CTNND2: variants seen among roughly 807,000 people sequenced by gnomAD.
CTNND2 encodes catenin delta-2.
A neutral mutation model predicts 144.4 loss-of-function variants in CTNND2; 22 were observed. The ratio of observed to expected loss-of-function variants is 0.15; its 90% CI spans 0.11 to 0.22. The LOEUF (loss-of-function observed/expected upper bound fraction) is 0.22, where lower values mean the gene tolerates loss of function less well. Ranked by LOEUF, CTNND2 falls within the 10% of genes least tolerant of loss-of-function variation. The probability of loss-of-function intolerance (pLI) is 1.00; values close to 1 mark genes in which losing one functional copy is unlikely to be tolerated. For missense variants in CTNND2, 1,353 were observed against 1,618.8 expected (o/e 0.84, Z 2.82); for synonymous variants, 751 against 695.6 (o/e 1.08, Z -1.25).
In CTNND2 at chr5:11,350,908, T is replaced by G. The variant is rs115377617; in HGVS notation, c.1373-4281A>C. The stretch of plus-strand genomic sequence containing the variant: ...TTAAAGATCTAATATGTAGAGAATA[T>G]TAAATAAATGAGCTATTATTATTAC... On this transcript the variant is annotated intron_variant, in intron 8 of 21. Transcript: ENST00000304623. Among the ~76,000 whole-genome samples the G allele has an allele frequency of 9.2e-3, 1,404 of 152,300 alleles. 10 individuals carry two copies. Among genetic ancestry groups the G allele is most frequent in the Non-Finnish European group, 0.016 (1,091 of 68,018 alleles).
intron 12 of CTNND2, among the ~76,000 whole-genome samples, chr5:11,124,829 T>A (rs1356624863): frequency 6.6e-6 from 1 of 152,194 alleles, no homozygotes; most frequent in Non-Finnish European, 1.5e-5. Context: ...TTTGTTTTTA[T>A]TTTCTGTGCT....
chr5:11,750,431 G>A (rs1399535123), intron 1 of CTNND2, among the ~76,000 whole-genome samples: 2 of 151,872 alleles, frequency 1.3e-5, no homozygotes, highest in East Asian at 3.9e-4. Flanking sequence ...AGACTGCTTG[G>A]ATTAAGCCAG....
chr5:11,472,660 A>G (rs940581930), intron 3 of CTNND2, among the ~76,000 whole-genome samples: 1 of 152,186 alleles, frequency 6.6e-6, no homozygotes, highest in Non-Finnish European at 1.5e-5. Flanking sequence ...AGATCTTTGC[A>G]CTGTTAAGTT....
chr5:11,336,501 C>G (rs190007855), intron 9 of CTNND2, among the ~76,000 whole-genome samples: 23 of 151,716 alleles, frequency 1.5e-4, no homozygotes, highest in African/African-American at 5.6e-4. Flanking sequence ...TTTCAACACC[C>G]TATCAACACT....
chr5:11,650,932 C>T (rs1782614183), intron 2 of CTNND2, among the ~76,000 whole-genome samples: 1 of 152,196 alleles, frequency 6.6e-6, no homozygotes, highest in Admixed American at 6.5e-5. Flanking sequence ...AGAAAACTTG[C>T]AGCCTAACCA....
chr5:11,718,446 T>C (rs556749255), intron 2 of CTNND2, among the ~76,000 whole-genome samples: 2 of 152,284 alleles, frequency 1.3e-5, no homozygotes, highest in East Asian at 1.9e-4. Flanking sequence ...AACTATTCTA[T>C]GTGCTGACTG....
At chr5:11,708,392 G>A (rs1032616507) in intron 2 of CTNND2, among the ~76,000 whole-genome samples, 6 of 152,098 alleles carry the variant, frequency 3.9e-5, no homozygotes, top group Non-Finnish European at 7.4e-5. Flanking sequence ...GTGAAAAGCT[G>A]TAAGTAAGAA....
chr5:11,404,552 TCAAGTG>T (rs1026609719), intron 5 of CTNND2, among the ~76,000 whole-genome samples: 11 of 147,132 alleles, frequency 7.5e-5, no homozygotes, highest in Non-Finnish European at 1.5e-4. Context: ...CAGTTACTGT[TCAAGTG>T]CAAGTGCCTT....
rs1215343540 is a variant in CTNND2 at position 11,903,981 on chromosome 5, G to T, written c.-128C>A. 2.3e-5 allele frequency: 26 copies of T among 1,119,140 alleles called. No individual in the cohort carries two copies. The highest frequency in any genetic ancestry group is 2.5e-5 in the Non-Finnish European group (22 of 878,752). The allele number at this position is 1,119,140 out of a possible 1,614,324, so 69.3% of individuals were successfully genotyped here. Reference sequence around the variant, plus strand: ...GCTTTTGTTGTCTGAGCGCGGCCGCGGGACAAGGGATGCTGGCGGGCGGCA... The same window carrying T: ...GCTTTTGTTGTCTGAGCGCGGCCGCTGGACAAGGGATGCTGGCGGGCGGCA... On this transcript the variant is annotated 5_prime_UTR_variant, in exon 1 of 22. Coordinates refer to ENST00000304623, the MANE Select transcript of CTNND2 (RefSeq NM_001332.4). The surrounding 1 kb of genome is among the most constrained non-coding windows in gnomAD (Gnocchi z 5.4).
intron 9 of CTNND2, among the ~76,000 whole-genome samples, chr5:11,322,534 A>G (rs1752137503): frequency 6.6e-6 from 1 of 152,222 alleles, no homozygotes; most frequent in African/African-American, 2.4e-5. Context: ...TATATATAAA[A>G]GCAACAAAGC....
chr5:11,581,853 G>GGCAT (rs1241045282), intron 2 of CTNND2, among the ~76,000 whole-genome samples: 1 of 152,192 alleles, frequency 6.6e-6, no homozygotes, highest in Non-Finnish European at 1.5e-5. Context: ...TCTGAAGTGG[G>GGCAT]GCATGGGAAG....
chr5:11,272,315 T>C (rs540603450), intron 9 of CTNND2, among the ~76,000 whole-genome samples: 18 of 152,332 alleles, frequency 1.2e-4, no homozygotes, highest in Admixed American at 1.1e-3. Context: ...ATATATTCAT[T>C]AGTCTTAAAC....
At chr5:10,978,846 A>G (rs539538629) in intron 21 of CTNND2, among the ~76,000 whole-genome samples, 1 of 152,356 alleles carries the variant, frequency 6.6e-6, no homozygotes, top group South Asian at 2.1e-4. Flanking sequence ...CCATCTTAGC[A>G]CATTAATTCT....
intron 3 of CTNND2, among the ~76,000 whole-genome samples, chr5:11,427,275 C>CTTTT (rs765824451): frequency 8.3e-5 from 10 of 120,876 alleles, no homozygotes; most frequent in Admixed American, 2.5e-4. Flanking sequence ...TTCCCATATG[C>CTTTT]TTTTTTTTTT....
chr5:11,038,874 T>C (rs17180143), intron 16 of CTNND2, among the ~76,000 whole-genome samples: 10,980 of 152,226 alleles, frequency 0.072, 523 homozygotes, highest in Non-Finnish European at 0.1. Context: ...ACATATCAAA[T>C]TAATGATCAC....
intron 3 of CTNND2, among the ~76,000 whole-genome samples, chr5:11,476,520 A>G (rs1767756125): frequency 6.6e-6 from 1 of 152,180 alleles, no homozygotes. Flanking sequence ...TGGCTGATTC[A>G]TATCACCTTT....
At chr5:11,714,976 T>C (rs76886279) in intron 2 of CTNND2, among the ~76,000 whole-genome samples, 2,154 of 152,000 alleles carry the variant, frequency 0.014, 24 homozygotes, top group East Asian at 0.057. Context: ...TGTATTGCGA[T>C]ACATTATTAT....
At chr5:10,974,603 G>C (rs1413488106) in intron 21 of CTNND2, among the ~76,000 whole-genome samples, 1 of 152,172 alleles carries the variant, frequency 6.6e-6, no homozygotes, top group Non-Finnish European at 1.5e-5. Flanking sequence ...ATAGGGTGAG[G>C]TTAACCCTAC....
intron 10 of CTNND2, among the ~76,000 whole-genome samples, chr5:11,223,210 T>C (rs1371333117): frequency 6.6e-6 from 1 of 152,126 alleles, no homozygotes; most frequent in African/African-American, 2.4e-5. Flanking sequence ...TCTAAATCCC[T>C]CCATCACTAG....
Sources: allele counts gnomAD v4.1 joint callset (sites outside exome capture counted in the v4.1 genomes callset), GRCh38; gene constraint gnomAD v4.1.1; non-coding constraint Gnocchi (gnomAD v3.1); transcripts MANE v1.5; gene names NCBI Gene and HGNC (gene_info 2026-07-23, HGNC 2026-07-21).